The following PEAK1 variants were observed in gnomAD, a reference collection of about 807,000 sequenced individuals.
PEAK1 encodes pseudopodium enriched atypical kinase 1, also known as inactive tyrosine-protein kinase PEAK1.
PEAK1 carries 54 observed loss-of-function variants against 124.7 expected under a neutral mutation model. The observed-to-expected ratio is 0.43, with a 90% CI of 0.35 to 0.54. PEAK1 has a LOEUF of 0.54. Ranked by LOEUF, PEAK1 falls within the 20% of genes least tolerant of loss-of-function variation. The pLI is 0.01. For missense variants in PEAK1, 2,046 were observed against 2,134.5 expected (o/e 0.96, Z 0.82); for synonymous variants, 719 against 760.0 (o/e 0.95, Z 0.89).
At chr15:77,202,418 T>C (rs1423640471) in intron 6 of PEAK1, among the ~76,000 whole-genome samples, 1 of 152,176 alleles carries the variant, frequency 6.6e-6, no homozygotes, top group Non-Finnish European at 1.5e-5. Flanking sequence ...ATGTACTATA[T>C]ACTGTATTTT....
intron 6 of PEAK1, among the ~76,000 whole-genome samples, chr15:77,186,529 T>C (rs964067866): frequency 4.6e-5 from 7 of 152,220 alleles, no homozygotes; most frequent in Non-Finnish European, 1.0e-4. Flanking sequence ...CAAGTTTGTG[T>C]CCATCTGTAT....
At chr15:77,271,009 G>A (rs2062002456) in intron 5 of PEAK1, among the ~76,000 whole-genome samples, 1 of 151,972 alleles carries the variant, frequency 6.6e-6, no homozygotes, top group African/African-American at 2.4e-5. Flanking sequence ...CAGAATGGGA[G>A]AAAATTTTTG....
In PEAK1 at chr15:77,179,505, T is replaced by C. The variant is rs1408452876; in HGVS notation, c.2422A>G (p.Ser808Gly). 6.2e-7 allele frequency: 1 copy of C among 1,613,968 alleles called. No individual in the cohort carries two copies. Among genetic ancestry groups the C allele is most frequent in the Non-Finnish European group, 8.5e-7 (1 of 1,180,020 alleles). ...CGGACTGGCGTACTCTTAGGTGTGC[T>C]CTTAGCAACATCAGCATCTGGAGGA... Reference protein sequence around the residue: ...AIPPDADVAKSTPKSTPVRPK... With the variant: ...AIPPDADVAKGTPKSTPVRPK... The change falls in exon 7 of 10, where the codon AGC becomes GGC. Residue 808 changes from serine to glycine, a missense_variant. Coordinates refer to ENST00000682557, the MANE Select transcript of PEAK1 (RefSeq NM_001385026.1).
intron 6 of PEAK1, among the ~76,000 whole-genome samples, chr15:77,234,070 TGCCCTG>T (rs1363759578): frequency 6.6e-6 from 1 of 152,130 alleles, no homozygotes. Flanking sequence ...CTTGCCAACT[TGCCCTG>T]GCTGGTCTTG....
Position 77,111,419 on chromosome 15 carries a change from GTTTC to G in PEAK1, c.*2733_*2736del, listed in dbSNP as rs1351608046. On this transcript the variant is annotated 3_prime_UTR_variant, in exon 10 of 10. Coordinates refer to ENST00000682557, the MANE Select transcript of PEAK1 (RefSeq NM_001385026.1). ...GTAGTACTTTTTGCCTAGAAATATA[GTTTC>G]TTTCTCTATTCTGCTCTAACCTGTA... The G allele has an allele frequency of 6.6e-6, 1 of 152,144 alleles. No homozygotes were observed. Among genetic ancestry groups the G allele is most frequent in the African/African-American group, 2.4e-5 (1 of 41,416 alleles). 9.4% of individuals were successfully genotyped at this position (152,144 alleles called of 1,614,324 possible). A position where few individuals can be genotyped will look rare whatever the true frequency, so the allele number is the denominator to read the frequency against.
At chr15:77,248,366 T>C (rs901903569) in intron 6 of PEAK1, among the ~76,000 whole-genome samples, 24 of 152,188 alleles carry the variant, frequency 1.6e-4, no homozygotes, top group African/African-American at 5.6e-4. Flanking sequence ...CAAACAGATT[T>C]GTAAGGTTTA....
chr15:77,261,288 T>A (rs1162151068), intron 5 of PEAK1, among the ~76,000 whole-genome samples: 1 of 151,590 alleles, frequency 6.6e-6, no homozygotes, highest in Admixed American at 6.6e-5. Context: ...CTTTGATGAG[T>A]TGAGAGAAGA....
rs1389724955 is a variant in PEAK1 at position 77,350,489 on chromosome 15, C to T, written c.-603+14674G>A. The T allele has an allele frequency of 3.0e-6, 3 of 984,840 alleles. No homozygotes were observed. The Admixed American group carries it at 1.8e-4, about 61-fold the overall frequency. The allele number at this position is 984,840 out of a possible 1,614,324, so 61.0% of individuals were successfully genotyped here. ...ATCTTAAGGTATGTTGCTTGTCTGT[C>T]TTCTAAGAATTTTTTAAGCTACATT... On this transcript the variant is annotated intron_variant, in intron 2 of 9. Coordinates refer to ENST00000682557, the MANE Select transcript of PEAK1 (RefSeq NM_001385026.1).
At chr15:77,404,287 G>A (rs2071619126) in intron 1 of PEAK1, 2 of 985,264 alleles carry the variant, frequency 2.0e-6, no homozygotes, top group African/African-American at 1.7e-5. Context: ...CCTGCAAAGT[G>A]ATATTTTATT....
intron 2 of PEAK1, chr15:77,336,459 A>G (rs970069070): frequency 1.0e-6 from 1 of 985,260 alleles, no homozygotes; most frequent in African/African-American, 1.7e-5. Flanking sequence ...TATTATTCAC[A>G]CATAAATAAT....
At chr15:77,252,173 T>C (rs1394491757) in intron 6 of PEAK1, among the ~76,000 whole-genome samples, 194 bp downstream of exon 6, 1 of 152,224 alleles carries the variant, frequency 6.6e-6, no homozygotes, top group East Asian at 1.9e-4. Context: ...CTAAATTAAG[T>C]TTATAACTAG....
At chr15:77,327,785 GA>G (rs952398423) in intron 2 of PEAK1, among the ~76,000 whole-genome samples, 8 of 151,330 alleles carry the variant, frequency 5.3e-5, no homozygotes, top group South Asian at 2.1e-4. Context: ...GTATAAGGGG[GA>G]AAAAATGCAA....
chr15:77,394,031 G>A (rs997340118), intron 1 of PEAK1, among the ~76,000 whole-genome samples: 3 of 152,194 alleles, frequency 2.0e-5, no homozygotes, highest in African/African-American at 7.2e-5. Context: ...CATGGGGACA[G>A]AATTCTCTGC....
chr15:77,336,145 C>G (rs745594182), intron 2 of PEAK1: 1 of 985,428 alleles, frequency 1.0e-6, no homozygotes, highest in Non-Finnish European at 1.2e-6. Context: ...CTCCAAAAGA[C>G]AGATGAGCAC....
At chr15:77,177,516 G>A (rs1351387823) in intron 7 of PEAK1, among the ~76,000 whole-genome samples, 2 of 152,098 alleles carry the variant, frequency 1.3e-5, no homozygotes, top group African/African-American at 2.4e-5. Context: ...AAAGCATTAA[G>A]TGTTCACTTC....
chr15:77,338,054 G>T (rs1032580734), intron 2 of PEAK1: 18 of 982,212 alleles, frequency 1.8e-5, no homozygotes, highest in Non-Finnish European at 2.1e-5. Flanking sequence ...GTAAAAATTT[G>T]AGCTTTTTTA....
intron 6 of PEAK1, among the ~76,000 whole-genome samples, chr15:77,231,917 T>C (rs1467543554): frequency 6.6e-6 from 1 of 152,198 alleles, no homozygotes; most frequent in Admixed American, 6.5e-5. Context: ...CTTCTGACTA[T>C]GTTTAAATAG....
At chr15:77,324,573 A>C (rs554532881) in intron 2 of PEAK1, among the ~76,000 whole-genome samples, 2 of 152,316 alleles carry the variant, frequency 1.3e-5, no homozygotes, top group African/African-American at 4.8e-5. Context: ...TTTATAAAGA[A>C]AAGAGGTATA....
Position 77,115,124 on chromosome 15 carries a change from C to T in PEAK1, c.4273G>A (p.Ala1425Thr), listed in dbSNP as rs2051244294. The T allele has an allele frequency of 1.2e-6, 2 of 1,613,964 alleles. No individual in the cohort carries two copies. Among genetic ancestry groups the T allele is most frequent in the African/African-American group, 1.3e-5 (1 of 74,882 alleles). ...EDDMEETEEDAKGETDGKNPK... is the reference protein window; with the variant it reads ...EDDMEETEEDTKGETDGKNPK... Reference sequence around the variant, plus strand: ...TTTTTCCCATCCGTTTCTCCTTTGGCGTCTTCTTCAGTCTCTTCCATGTCA... The same window carrying T: ...TTTTTCCCATCCGTTTCTCCTTTGGTGTCTTCTTCAGTCTCTTCCATGTCA... The change falls in exon 10 of 10, where the codon GCC becomes ACC. Residue 1425 changes from alanine to threonine, a missense_variant. Ala to Thr is a moderately conservative substitution (Grantham distance 58, BLOSUM62 0). Transcript: ENST00000682557.
Sources: allele counts gnomAD v4.1 joint callset (sites outside exome capture counted in the v4.1 genomes callset), GRCh38; gene constraint gnomAD v4.1.1; transcripts MANE v1.5; gene names NCBI Gene and HGNC (gene_info 2026-07-23, HGNC 2026-07-21).